Variants in LPIN2 observed in about 807,000 individuals in gnomAD.
LPIN2 encodes lipin 2.
In LPIN2, 55 loss-of-function variants were observed where a neutral mutation model predicts 111.4. The ratio of observed to expected loss-of-function variants is 0.49; its 90% CI spans 0.40 to 0.62. The LOEUF (loss-of-function observed/expected upper bound fraction) is 0.62. Among genes scored for constraint, LPIN2 ranks in the 20% least tolerant of loss-of-function variants. The pLI, the probability that LPIN2 is intolerant of heterozygous loss-of-function variation, is 0.00. For missense variants in LPIN2, 992 were observed against 1,112.1 expected (o/e 0.89, Z 1.54); for synonymous variants, 425 against 414.0 (o/e 1.03, Z -0.32).
At chr18:2,926,664 G>A in intron 13 of LPIN2, 59 bp downstream of exon 13, 5 of 1,451,358 alleles carry the variant, frequency 3.4e-6, no homozygotes, top group South Asian at 1.2e-5. Flanking sequence ...CAACTTAGAA[G>A]TAATGGCCCT....
intron 4 of LPIN2, chr18:2,946,799 T>A: frequency 2.2e-6 from 1 of 451,812 alleles, no homozygotes. Context: ...CTAACTCTGT[T>A]AACAACGTCT....
rs554806332 is a variant in LPIN2, at chr18:2,963,679, T to C, written c.-9-2830A>G. The stretch of plus-strand genomic sequence containing the variant: ...ATATTTAACCAGAAAGGCAGGCTCA[T>C]TTGGAGATGCCCACACAAAAAGCAA... On this transcript the variant is annotated intron_variant, in intron 1 of 19. Coordinates refer to ENST00000677752, the MANE Select transcript of LPIN2 (RefSeq NM_001375808.2). 7.2e-5 allele frequency among the ~76,000 whole-genome samples: 11 copies of C among 151,918 alleles called. 1 individual carries two copies. The South Asian group carries it at 2.1e-3, about 29-fold the overall frequency.
rs756933588 is a variant in LPIN2, at chr18:2,929,065, C to T, written c.1550G>A (p.Arg517His). 4.5e-6 allele frequency: 7 copies of T among 1,557,622 alleles called. No homozygotes were observed. In the African/African-American group the frequency reaches 5.4e-5, roughly 12 times the overall value. The change falls in exon 10 of 20, where the codon CGT becomes CAT. Residue 517 changes from arginine to histidine, a missense_variant and splice_region_variant. Arg to His is a conservative substitution (Grantham distance 29, BLOSUM62 0). This residue lies in a region of LPIN2 where 709 missense variants were observed against 753.2 expected (regional missense o/e 0.94). Transcript: ENST00000677752. Reference protein sequence around the residue: ...NPNLVIRIYNRYYNWALAAPM... With the variant: ...NPNLVIRIYNHYYNWALAAPM... ...CAATTATAAAAGCAGGAGTATTTACCGATTATATATCCTTATTACAAGGTT... is the reference window on the plus strand; with the variant it reads ...CAATTATAAAAGCAGGAGTATTTACTGATTATATATCCTTATTACAAGGTT...
chr18:2,920,764 G>T lies in LPIN2; in HGVS notation c.2546+14C>A. 1 of 1,603,370 alleles carries T rather than the reference G, an allele frequency of 6.2e-7. No homozygotes were observed. The highest frequency in any genetic ancestry group is 1.1e-5 in the South Asian group (1 of 90,866). ...GCTGCAGGGCGCCGGGCTGAGAGCT[G>T]AGAATGTACTTACGATGACTTGTTT... On this transcript the variant is annotated intron_variant, in intron 19 of 19. Transcript: ENST00000677752.
intron 16 of LPIN2, 111 bp from the exon 17 acceptor site, chr18:2,922,310 T>C: frequency 3.1e-6 from 4 of 1,280,160 alleles, no homozygotes; most frequent in South Asian, 1.3e-5. Flanking sequence ...AGTCTCACTC[T>C]GTTACCCAGG....
At chr18:2,974,271 G>A (rs1396052582) in intron 1 of LPIN2, among the ~76,000 whole-genome samples, 2 of 152,008 alleles carry the variant, frequency 1.3e-5, no homozygotes, top group Non-Finnish European at 2.9e-5. Flanking sequence ...GTAGAGATGG[G>A]GTTTCACCGT....
chr18:2,937,662 T>C (rs1192487991), intron 7 of LPIN2, 30 bp downstream of exon 7: 5 of 1,564,568 alleles, frequency 3.2e-6, no homozygotes, highest in South Asian at 1.1e-5. Flanking sequence ...AATTTGAGAG[T>C]ACCTGGAGCC....
At chr18:2,973,565 TG>T (rs1424080693) in intron 1 of LPIN2, among the ~76,000 whole-genome samples, 1 of 152,248 alleles carries the variant, frequency 6.6e-6, no homozygotes, top group Non-Finnish European at 1.5e-5. Context: ...ATGTATCAAA[TG>T]TTTATCCATT....
intron 1 of LPIN2, among the ~76,000 whole-genome samples, chr18:2,969,667 A>G (rs764817832): frequency 2.0e-5 from 3 of 152,332 alleles, no homozygotes; most frequent in Non-Finnish European, 4.4e-5. Context: ...TTAAGAATGT[A>G]GGTTCATTCA....
intron 4 of LPIN2, among the ~76,000 whole-genome samples, chr18:2,944,270 T>C (rs953793205): frequency 1.3e-5 from 2 of 149,398 alleles, no homozygotes; most frequent in Non-Finnish European, 3.0e-5. Flanking sequence ...TTATTTAACA[T>C]GTAATAGTCA....
intron 12 of LPIN2, among the ~76,000 whole-genome samples, chr18:2,927,227 C>T (rs2077146610): frequency 6.6e-6 from 1 of 152,156 alleles, no homozygotes; most frequent in African/African-American, 2.4e-5. Flanking sequence ...GTGAGAACTC[C>T]CTGAACCCTC....
chr18:2,981,672 G>T (rs1454944982), intron 1 of LPIN2, among the ~76,000 whole-genome samples: 1 of 152,148 alleles, frequency 6.6e-6, no homozygotes, highest in East Asian at 1.9e-4. Context: ...AAAGCAAACT[G>T]CCTCCCCCGT....
intron 4 of LPIN2, 148 bp from the exon 5 acceptor site, chr18:2,940,860 G>C: frequency 1.5e-6 from 1 of 663,624 alleles, no homozygotes. Context: ...AGGAGAAGGG[G>C]GGATACACCA....
intron 1 of LPIN2, chr18:3,012,031 A>G (rs949862902): frequency 1.3e-5 from 2 of 152,272 alleles, no homozygotes; most frequent in Non-Finnish European, 2.9e-5. Flanking sequence ...TAAATATTTC[A>G]AAATGTATTT....
rs1370203894 is a variant in LPIN2, at chr18:2,917,592, T to TAA, written c.*2699_*2700dup. On this transcript the variant is annotated 3_prime_UTR_variant, in exon 20 of 20. Transcript: ENST00000677752. The stretch of plus-strand genomic sequence containing the variant: ...CTTTCATTTTAGGACATCCCATTTT[T>TAA]AAGTTTTTTCTTTTTCCAGTTGAAA... 1 of 152,212 alleles carries TAA rather than the reference T, an allele frequency of 6.6e-6. No individual in the cohort carries two copies. Among genetic ancestry groups the TAA allele is most frequent in the Non-Finnish European group, 1.5e-5 (1 of 68,054 alleles). The allele number at this position is 152,212 out of a possible 1,614,324, so 9.4% of individuals were successfully genotyped here.
At chr18:2,996,698 C>T (rs1007606788) in intron 1 of LPIN2, among the ~76,000 whole-genome samples, 1 of 151,738 alleles carries the variant, frequency 6.6e-6, no homozygotes, top group Non-Finnish European at 1.5e-5. Context: ...AGGATGGTCT[C>T]GATCTCCTGA....
At chr18:2,960,593 C>T (rs891642318) in intron 2 of LPIN2, 56 bp downstream of exon 2, 1 of 1,553,962 alleles carries the variant, frequency 6.4e-7, no homozygotes. Context: ...TGAGGACACT[C>T]ACTCACTTTC....
At chr18:2,920,483 C>T (rs768788072) in intron 19 of LPIN2, 46 bp from the exon 20 acceptor site, 28 of 1,607,014 alleles carry the variant, frequency 1.7e-5, no homozygotes, top group East Asian at 6.7e-5. Flanking sequence ...ACTTCAAGAT[C>T]GGTCAAAGGC....
intron 3 of LPIN2, among the ~76,000 whole-genome samples, chr18:2,951,740 A>T (rs1046493285): frequency 6.6e-6 from 1 of 152,246 alleles, no homozygotes; most frequent in African/African-American, 2.4e-5. Flanking sequence ...CACACAGAAC[A>T]TTCAGAACAG....
Sources: allele counts gnomAD v4.1 joint callset (sites outside exome capture counted in the v4.1 genomes callset), GRCh38; gene constraint gnomAD v4.1.1; regional missense constraint gnomAD v4.1.1; transcripts MANE v1.5; gene names NCBI Gene and HGNC (gene_info 2026-07-23, HGNC 2026-07-21).